The following OTOGL variants were observed in gnomAD, a reference collection of about 807,000 sequenced individuals.
The protein encoded by OTOGL is otogelin-like protein.
A neutral mutation model predicts 318.5 loss-of-function variants in OTOGL; 285 were observed. That is an observed-to-expected ratio of 0.89 (90% CI 0.81 to 0.99). The LOEUF (loss-of-function observed/expected upper bound fraction) is 0.99, where lower values mean the gene tolerates loss of function less well. OTOGL is among the 50% of genes least tolerant of loss of function. The probability of loss-of-function intolerance (pLI) is 0.00; values close to 1 mark genes in which losing one functional copy is unlikely to be tolerated. For missense variants in OTOGL, 2,899 were observed against 2,845.6 expected (o/e 1.02, Z -0.43); for synonymous variants, 987 against 936.5 (o/e 1.05, Z -0.99).
intron 30 of OTOGL, among the ~76,000 whole-genome samples, chr12:80,312,946 G>C (rs1322218888): frequency 6.6e-6 from 1 of 152,016 alleles, no homozygotes; most frequent in Non-Finnish European, 1.5e-5. Flanking sequence ...TGAGTCCCTT[G>C]CTCCTTTTTT....
In OTOGL at chr12:80,379,461, A is replaced by G. The variant is rs1891348783; in HGVS notation, c.*1413A>G. 1 of 40,268 alleles carries G rather than the reference A, an allele frequency of 2.5e-5. No homozygotes were observed. Among genetic ancestry groups the G allele is most frequent in the African/African-American group, 9.5e-5 (1 of 10,564 alleles). The allele number at this position is 40,268 out of a possible 1,614,324, so 2.5% of individuals were successfully genotyped here. On this transcript the variant is annotated 3_prime_UTR_variant, in exon 59 of 59. Coordinates refer to ENST00000547103, the MANE Select transcript of OTOGL (RefSeq NM_001378609.3). Reference sequence around the variant, plus strand: ...TACTTAAATATGTGTGAAAAAATCAACATTGCATCTGCAAATCCCAGTGTT... The same window carrying G: ...TACTTAAATATGTGTGAAAAAATCAGCATTGCATCTGCAAATCCCAGTGTT...
At chr12:80,244,301 C>T (rs1401438063) in intron 11 of OTOGL, among the ~76,000 whole-genome samples, 2 of 143,472 alleles carry the variant, frequency 1.4e-5, no homozygotes, top group African/African-American at 2.6e-5. Flanking sequence ...GGTATATCTC[C>T]CAATGCTATC....
intron 44 of OTOGL, among the ~76,000 whole-genome samples, chr12:80,345,788 C>T (rs1379583688): frequency 6.6e-6 from 1 of 151,978 alleles, no homozygotes; most frequent in Admixed American, 6.6e-5. Context: ...CTCAAGTACT[C>T]AAAGCCTCTA....
intron 1 of OTOGL, among the ~76,000 whole-genome samples, chr12:80,190,570 G>A (rs1433445696): frequency 1.3e-5 from 2 of 151,794 alleles, no homozygotes; most frequent in Admixed American, 6.6e-5. Flanking sequence ...GGTGGATCAC[G>A]AGGTCAGGAG....
chr12:80,318,447 T>G, intron 32 of OTOGL, 99 bp from the exon 33 acceptor site: 1 of 842,628 alleles, frequency 1.2e-6, no homozygotes, highest in Non-Finnish European at 1.6e-6. Context: ...ATTGCTCAAT[T>G]TTTGAAGTAT....
chr12:80,299,265 T>A (rs916403380), intron 27 of OTOGL, among the ~76,000 whole-genome samples: 2 of 152,188 alleles, frequency 1.3e-5, no homozygotes, highest in African/African-American at 4.8e-5. Flanking sequence ...ATTACAGCAG[T>A]TTGTCATAAG....
In OTOGL at chr12:80,379,135, T is replaced by G. The variant is rs1451029491; in HGVS notation, c.*1087T>G. The G allele has an allele frequency of 6.6e-6, 1 of 152,510 alleles. No homozygotes were observed. The highest frequency in any genetic ancestry group is 1.5e-5 in the Non-Finnish European group (1 of 67,898). The allele number at this position is 152,510 out of a possible 1,614,324, so 9.4% of individuals were successfully genotyped here. Reference sequence around the variant, plus strand: ...TTAAAATATGGTAGATTATTGACATTTGCAAGAAGAATGTATTGAGGTCTT... The same window carrying G: ...TTAAAATATGGTAGATTATTGACATGTGCAAGAAGAATGTATTGAGGTCTT... On this transcript the variant is annotated 3_prime_UTR_variant, in exon 59 of 59. Coordinates refer to ENST00000547103, the MANE Select transcript of OTOGL (RefSeq NM_001378609.3).
In OTOGL at chr12:80,356,397, C is replaced by T; in HGVS notation, c.5807-19C>T. The T allele has an allele frequency of 6.3e-7, 1 of 1,574,814 alleles. No individual in the cohort carries two copies. Among genetic ancestry groups the T allele is most frequent in the African/African-American group, 1.4e-5 (1 of 73,890 alleles). Reference sequence around the variant, plus strand: ...TTAGTTGTGTTCACTAATATTTTAACAGTTTTTCTTATTTATAGGATGTGA... The same window carrying T: ...TTAGTTGTGTTCACTAATATTTTAATAGTTTTTCTTATTTATAGGATGTGA... On this transcript the variant is annotated intron_variant, in intron 47 of 58. Transcript: ENST00000547103.
rs1287610386 is a variant in OTOGL, at chr12:80,251,789, T to C, written c.1149T>C (p.Phe383=). 1 of 1,575,404 alleles carries C rather than the reference T, an allele frequency of 6.3e-7. No homozygotes were observed. Among genetic ancestry groups the C allele is most frequent in the Admixed American group, 1.8e-5 (1 of 54,346 alleles). Residue 383 remains phenylalanine (F), a synonymous_variant, in exon 12 of 59, where the codon TTT becomes TTC. Coordinates refer to ENST00000547103, the MANE Select transcript of OTOGL (RefSeq NM_001378609.3). ...GYPIQDWRDD[F]PACTDKCDDS... is the part of the protein sequence containing the mutation. The stretch of plus-strand genomic sequence containing the variant: ...CTATTCAAGACTGGAGAGATGACTT[T>C]CCAGCATGCAGTATGTTTTTTTATT...
Position 80,217,165 on chromosome 12 carries a change from G to C in OTOGL, c.169-433G>C, listed in dbSNP as rs184043774. ...ATTTTTTTTTTCCAAACCTATCTGC[G>C]CCTGGAAGTGTCAGAGAATTGCTAT... On this transcript the variant is annotated intron_variant, in intron 4 of 58. Coordinates refer to ENST00000547103, the MANE Select transcript of OTOGL (RefSeq NM_001378609.3). Among the ~76,000 whole-genome samples, 62 of 151,922 alleles carry C rather than the reference G, an allele frequency of 4.1e-4. 1 individual carries two copies. The highest frequency in any genetic ancestry group is 1.5e-3 in the African/African-American group (61 of 41,430).
At chr12:80,321,782 A>G (rs1887352289) in intron 34 of OTOGL, among the ~76,000 whole-genome samples, 2 of 152,144 alleles carry the variant, frequency 1.3e-5, no homozygotes, top group Non-Finnish European at 2.9e-5. Context: ...GGTGACATAC[A>G]TTCTTTAGTG....
intron 1 of OTOGL, among the ~76,000 whole-genome samples, chr12:80,186,777 A>G (rs879317354): frequency 9.9e-5 from 15 of 152,168 alleles, no homozygotes; most frequent in Middle Eastern, 6.8e-3. Context: ...TTAAGAGTTC[A>G]GTTAAAAACT....
At position 80,311,650 on chromosome 12, in the gene OTOGL, G is replaced by T. The variant is rs148453356; in HGVS notation, c.3450+923G>T. 4.7e-3 allele frequency among the ~76,000 whole-genome samples: 712 copies of T among 152,230 alleles called. 4 individuals are homozygous for T. The highest frequency in any genetic ancestry group is 0.016 in the African/African-American group (676 of 41,540). Reference sequence around the variant, plus strand: ...TGGAACTCCTGACCTCAGATGATCTGCCCACCTCTGCCTCCCAAAAGGCTG... The same window carrying T: ...TGGAACTCCTGACCTCAGATGATCTTCCCACCTCTGCCTCCCAAAAGGCTG... On this transcript the variant is annotated intron_variant, in intron 30 of 58. Transcript: ENST00000547103.
At chr12:80,100,632 G>T (rs1459105554) in intron 1 of OTOGL, among the ~76,000 whole-genome samples, 1 of 152,046 alleles carries the variant, frequency 6.6e-6, no homozygotes, top group Non-Finnish European at 1.5e-5. Flanking sequence ...CTGTGTTTAG[G>T]TGTTACGAGA....
At chr12:80,203,081 GGCCAGAGTGTGAAT>G (rs1229244910) in intron 1 of OTOGL, among the ~76,000 whole-genome samples, 1 of 152,146 alleles carries the variant, frequency 6.6e-6, no homozygotes, top group Non-Finnish European at 1.5e-5. Context: ...TATTCCTGGT[GGCCAGAGTGTGAAT>G]GCATTCATTT....
intron 1 of OTOGL, among the ~76,000 whole-genome samples, chr12:80,149,377 G>A (rs541234970): frequency 6.6e-6 from 1 of 151,540 alleles, no homozygotes; most frequent in African/African-American, 2.4e-5. Flanking sequence ...GGGGTCGGGG[G>A]CCAGGGGTCA....
At chr12:80,333,844 C>G (rs1194785360) in intron 38 of OTOGL, among the ~76,000 whole-genome samples, 1 of 152,036 alleles carries the variant, frequency 6.6e-6, no homozygotes, top group Admixed American at 6.6e-5. Context: ...AAGTTCCAGG[C>G]AGAGGGACCA....
At chr12:80,273,357 G>A (rs1883554788) in intron 24 of OTOGL, among the ~76,000 whole-genome samples, 2 of 152,016 alleles carry the variant, frequency 1.3e-5, no homozygotes, top group Admixed American at 1.3e-4. Context: ...GCTCCTAACA[G>A]TGCCAGCAGT....
At chr12:80,270,058 AC>A (rs758780569) in intron 22 of OTOGL, 43 bp from the exon 23 acceptor site, 128 of 1,354,350 alleles carry the variant, frequency 9.5e-5, no homozygotes, top group South Asian at 5.2e-4. Flanking sequence ...AAAAAAAAAA[AC>A]AACAGATTTG....
Sources: gnomAD v4.1 joint callset for allele counts (sites outside exome capture counted in the v4.1 genomes callset) on GRCh38, gnomAD v4.1.1 for gene constraint, MANE v1.5 for transcripts, NCBI Gene and HGNC (gene_info 2026-07-23, HGNC 2026-07-21) for gene names.